Variants in CNTN5 observed in about 807,000 individuals in gnomAD.
CNTN5 encodes the protein contactin 5, also known as contactin-5.
A neutral mutation model predicts 129.1 loss-of-function variants in CNTN5; 77 were observed. The observed-to-expected ratio is 0.60, with a 90% CI of 0.50 to 0.72. The LOEUF (loss-of-function observed/expected upper bound fraction) is 0.72, where lower values mean the gene tolerates loss of function less well. Ranked by LOEUF, CNTN5 falls within the 30% of genes least tolerant of loss-of-function variation. The pLI is 0.00. For synonymous variants in CNTN5, 509 were observed against 465.6 expected (o/e 1.09, Z -1.20); for missense variants, 1,478 against 1,328.8 (o/e 1.11, Z -1.75).
intron 8 of CNTN5, among the ~76,000 whole-genome samples, chr11:99,968,286 T>G (rs1374643612): frequency 6.6e-6 from 1 of 152,156 alleles, no homozygotes; most frequent in African/African-American, 2.4e-5. Context: ...AATTCATCAG[T>G]TGTCACAGTG....
intron 1 of CNTN5, among the ~76,000 whole-genome samples, chr11:99,280,079 G>T: frequency 6.6e-6 from 1 of 151,082 alleles, no homozygotes; most frequent in Middle Eastern, 3.2e-3. Flanking sequence ...TTGGAAATAG[G>T]GTATATTTAC....
intron 3 of CNTN5, among the ~76,000 whole-genome samples, chr11:99,746,034 T>C (rs1410469275): frequency 6.6e-6 from 1 of 152,200 alleles, no homozygotes; most frequent in Non-Finnish European, 1.5e-5. Context: ...TTAAGAAGTC[T>C]TGGCTCTTTT....
At chr11:100,230,531 T>C (rs766351265) in intron 16 of CNTN5, among the ~76,000 whole-genome samples, 3 of 152,236 alleles carry the variant, frequency 2.0e-5, no homozygotes, top group Non-Finnish European at 2.9e-5. Flanking sequence ...GTTTGGCTCA[T>C]TGAAATAATA....
chr11:99,698,989 CT>C (rs1023977267), intron 3 of CNTN5, among the ~76,000 whole-genome samples: 7 of 149,424 alleles, frequency 4.7e-5, no homozygotes, highest in African/African-American at 7.3e-5. Context: ...AAAATTAAAA[CT>C]TTTTTTTCCT....
chr11:100,349,996 G>A (rs186228047), intron 23 of CNTN5, among the ~76,000 whole-genome samples: 35 of 151,764 alleles, frequency 2.3e-4, no homozygotes, highest in Non-Finnish European at 4.7e-4. Context: ...ATTGTTTTCC[G>A]TGCATGTATG....
At chr11:99,967,124 A>G (rs1284748210) in intron 8 of CNTN5, among the ~76,000 whole-genome samples, 3 of 152,146 alleles carry the variant, frequency 2.0e-5, no homozygotes, top group African/African-American at 7.2e-5. Context: ...CTATCCATCA[A>G]GTACAAGTAT....
chr11:99,342,591 A>G (rs1207447551), intron 2 of CNTN5, among the ~76,000 whole-genome samples: 1 of 146,108 alleles, frequency 6.8e-6, no homozygotes, highest in East Asian at 2.0e-4. Flanking sequence ...AAAAAAAAAA[A>G]AAAAAAAAAA....
At chr11:99,624,721 C>G (rs637745) in intron 3 of CNTN5, among the ~76,000 whole-genome samples, 92,916 of 151,942 alleles carry the variant, frequency 0.61, 29,296 homozygotes, top group Admixed American at 0.74. Context: ...ACAGGCAGCA[C>G]GGTTATTAAG....
At chr11:99,934,572 C>T (rs905652154) in intron 7 of CNTN5, among the ~76,000 whole-genome samples, 5 of 152,154 alleles carry the variant, frequency 3.3e-5, no homozygotes, top group African/African-American at 1.2e-4. Flanking sequence ...TTAATACGTA[C>T]AACGATTCTA....
At chr11:100,287,242 A>G (rs1198336882) in intron 18 of CNTN5, among the ~76,000 whole-genome samples, 2 of 152,226 alleles carry the variant, frequency 1.3e-5, no homozygotes, top group Non-Finnish European at 2.9e-5. Flanking sequence ...ATTCAAATTC[A>G]GGAAATACAG....
intron 2 of CNTN5, among the ~76,000 whole-genome samples, chr11:99,553,111 G>A (rs1948549106): frequency 6.6e-6 from 1 of 151,982 alleles, no homozygotes; most frequent in South Asian, 2.1e-4. Context: ...CCAAGAAATG[G>A]GATGTCATTT....
At chr11:99,433,371 ATGTGTGTGT>A (rs1463693665) in intron 2 of CNTN5, among the ~76,000 whole-genome samples, 17 of 140,894 alleles carry the variant, frequency 1.2e-4, no homozygotes, top group East Asian at 2.0e-4. Flanking sequence ...TAAAAAAAAA[ATGTGTGTGT>A]GTGTGTGTGT....
intron 3 of CNTN5, among the ~76,000 whole-genome samples, chr11:99,596,821 A>C (rs1394128433): frequency 1.3e-5 from 2 of 152,188 alleles, no homozygotes; most frequent in African/African-American, 4.8e-5. Flanking sequence ...CAAAGGATTC[A>C]AAACTTTATA....
intron 1 of CNTN5, among the ~76,000 whole-genome samples, chr11:99,103,714 A>T (rs1284247403): frequency 6.6e-6 from 1 of 151,676 alleles, no homozygotes; most frequent in African/African-American, 2.4e-5. Context: ...TTCATATCAG[A>T]TCTTTCTTGT....
intron 1 of CNTN5, among the ~76,000 whole-genome samples, chr11:99,042,362 CTTCTTT>C (rs1229701701): frequency 2.5e-5 from 3 of 120,740 alleles, no homozygotes; most frequent in African/African-American, 9.7e-5. Context: ...CCTTCTTCTT[CTTCTTT>C]TTTTTTTTTT....
intron 3 of CNTN5, among the ~76,000 whole-genome samples, chr11:99,742,299 T>C (rs1249496241): frequency 6.6e-6 from 1 of 152,162 alleles, no homozygotes; most frequent in African/African-American, 2.4e-5. Context: ...TGTAGAAAGA[T>C]TGGCATTTAA....
At chr11:100,019,196 C>T (rs995321792) in intron 9 of CNTN5, among the ~76,000 whole-genome samples, 1 of 151,862 alleles carries the variant, frequency 6.6e-6, no homozygotes, top group African/African-American at 2.4e-5. Context: ...GATTTTAGTG[C>T]CATAGCTAAG....
At chr11:99,342,398 A>G (rs975961242) in intron 2 of CNTN5, among the ~76,000 whole-genome samples, 1 of 151,688 alleles carries the variant, frequency 6.6e-6, no homozygotes, top group Non-Finnish European at 1.5e-5. Flanking sequence ...TTTAAAAATT[A>G]TTTATTTTTT....
At chr11:99,066,861 A>C (rs2135232729) in intron 1 of CNTN5, among the ~76,000 whole-genome samples, 1 of 152,276 alleles carries the variant, frequency 6.6e-6, no homozygotes, top group South Asian at 2.1e-4. Context: ...TGGGAGGCAT[A>C]GATCTCTTTT....
Sources: allele counts gnomAD v4.1 joint callset (sites outside exome capture counted in the v4.1 genomes callset), GRCh38; gene constraint gnomAD v4.1.1; transcripts MANE v1.5; gene names NCBI Gene and HGNC (gene_info 2026-07-23, HGNC 2026-07-21).